JMJD6: variants seen among roughly 807,000 people sequenced by gnomAD.
The protein encoded by JMJD6 is bifunctional arginine demethylase and lysyl-hydroxylase JMJD6.
Under a neutral mutation model 45.8 loss-of-function variants are expected in JMJD6, and 17 were observed. The ratio of observed to expected loss-of-function variants is 0.37; its 90% CI spans 0.25 to 0.56. The LOEUF (loss-of-function observed/expected upper bound fraction) is 0.56. Among genes scored for constraint, JMJD6 ranks in the 20% least tolerant of loss-of-function variants. JMJD6 has a pLI of 0.79. For missense variants in JMJD6, 470 were observed against 517.5 expected (o/e 0.91, Z 0.89); for synonymous variants, 221 against 196.3 (o/e 1.13, Z -1.05).
At position 76,718,696 on chromosome 17, in the gene JMJD6, G is replaced by T; in HGVS notation, c.*33C>A. 6.2e-7 allele frequency: 1 copy of T among 1,609,360 alleles called. No homozygotes were observed. Among genetic ancestry groups the T allele is most frequent in the Non-Finnish European group, 8.5e-7 (1 of 1,177,438 alleles). ...CCCAGGCCCTGCCCTTGCCGCGAGC[G>T]TGTCCTTCCATACAGACAACAGCCT... On this transcript the variant is annotated 3_prime_UTR_variant, in exon 6 of 6. Coordinates refer to ENST00000397625, the MANE Select transcript of JMJD6 (RefSeq NM_015167.3).
intron 5 of JMJD6, among the ~76,000 whole-genome samples, chr17:76,720,018 G>A (rs986421221): frequency 2.6e-5 from 4 of 152,170 alleles, no homozygotes; most frequent in African/African-American, 4.8e-5. Flanking sequence ...GGTGGCATGC[G>A]CCTGTAATCC....
At chr17:76,725,981 G>T in intron 1 of JMJD6, 126 bp from the exon 2 acceptor site, 1 of 1,245,082 alleles carries the variant, frequency 8.0e-7, no homozygotes, top group Non-Finnish European at 1.1e-6. Context: ...TGGCTCCTCC[G>T]GGGTGGGGGC....
At chr17:76,723,243 G>A (rs1192434876) in intron 3 of JMJD6, among the ~76,000 whole-genome samples, 1 of 152,010 alleles carries the variant, frequency 6.6e-6, no homozygotes, top group Non-Finnish European at 1.5e-5. Flanking sequence ...ACCGCACCGG[G>A]CCTGCATACA....
At chr17:76,720,308 A>G in intron 5 of JMJD6, 52 bp downstream of exon 5, 1 of 1,560,742 alleles carries the variant, frequency 6.4e-7, no homozygotes, top group Non-Finnish European at 8.8e-7. Flanking sequence ...GTTATGACTG[A>G]GTTACATGAG....
downstream of JMJD6, chr17:76,716,503 T>C (rs879521283): frequency 1.0e-5 from 6 of 588,326 alleles, no homozygotes; most frequent in South Asian, 8.8e-5. Flanking sequence ...AATTTCTTGA[T>C]AATCTATCCT....
At position 76,724,913 on chromosome 17, in the gene JMJD6, T is replaced by C. The variant is rs193112652; in HGVS notation, c.518+554A>G. ...CCCTTAGAGATCAGTGCTTCAACCA[T>C]AGCTGCACATTCAAGTCACCTGAAG... is the stretch of plus-strand genomic sequence containing the variant. On this transcript the variant is annotated intron_variant, in intron 2 of 5. Transcript: ENST00000397625. 1.3e-3 allele frequency among the ~76,000 whole-genome samples: 205 copies of C among 152,270 alleles called. 4 individuals carry two copies. The highest frequency in any genetic ancestry group is 0.013 in the Admixed American group (200 of 15,298).
intron 4 of JMJD6, chr17:76,721,265 C>T (rs139695378): frequency 7.1e-6 from 3 of 419,786 alleles, no homozygotes; most frequent in Admixed American, 5.0e-5. Flanking sequence ...TCTCTTACCC[C>T]GAGAGCTGGT....
At chr17:76,716,484 G>A (rs879218287), downstream of JMJD6, 4 of 559,822 alleles carry the variant, frequency 7.1e-6, no homozygotes, top group East Asian at 2.9e-5. Context: ...TGAGCTGGCC[G>A]AGCTGTTAAA....
chr17:76,725,959 T>C (rs1278488306), intron 1 of JMJD6, 104 bp from the exon 2 acceptor site: 54 of 1,371,316 alleles, frequency 3.9e-5, no homozygotes, highest in South Asian at 3.0e-4. Flanking sequence ...CCGAAGGAAG[T>C]TGACTCTCGT....
At chr17:76,718,951 A>T in intron 5 of JMJD6, 91 bp from the exon 6 acceptor site, 1 of 1,288,762 alleles carries the variant, frequency 7.8e-7, no homozygotes, top group Non-Finnish European at 1.1e-6. Context: ...GACAGCACAG[A>T]TATTGGTCAC....
chr17:76,726,407 C>T lies in JMJD6; in HGVS notation c.69G>A (p.Ser23=), dbSNP rs1263192592. 6.2e-7 allele frequency: 1 copy of T among 1,605,672 alleles called. No homozygotes were observed. Among genetic ancestry groups the T allele is most frequent in the Non-Finnish European group, 8.5e-7 (1 of 1,176,886 alleles). ...KRSARPELKD[S]LDWTRHNYYE... ...AGTAGTTGTGCCGGGTCCAATCCAG[C>T]GAGTCCTTGAGCTCCGGCCGCGCAC... The change falls in exon 1 of 6, where the codon TCG becomes TCA. Residue 23 remains serine (S), a synonymous_variant. Transcript: ENST00000397625.
chr17:76,721,991 T>A lies in JMJD6; in HGVS notation c.806-58A>T, dbSNP rs1254210109. The A allele has an allele frequency of 1.9e-6, 3 of 1,579,008 alleles. No homozygotes were observed. The African/African-American group carries it at 4.1e-5, about 21-fold the overall frequency. ...TTTGATCCTATACCTAATTACTGTATAACACACACACCAGAAATTGGGAAC... is the reference window on the plus strand; with the variant it reads ...TTTGATCCTATACCTAATTACTGTAAAACACACACACCAGAAATTGGGAAC... On this transcript the variant is annotated intron_variant, in intron 3 of 5. Transcript: ENST00000397625.
At chr17:76,724,084 T>C (rs1247858425) in intron 2 of JMJD6, 26 bp from the exon 3 acceptor site, 2 of 1,609,128 alleles carry the variant, frequency 1.2e-6, no homozygotes, top group Admixed American at 1.7e-5. Flanking sequence ...ATCCAAGATG[T>C]GAAGTGTAAT....
downstream of JMJD6, chr17:76,716,785 G>A: frequency 1.3e-6 from 2 of 1,584,806 alleles, no homozygotes; most frequent in Non-Finnish European, 1.7e-6. Context: ...TACAAAGCTG[G>A]AAGGCAATGT....
downstream of JMJD6, chr17:76,713,918 C>T (rs73996688): frequency 3.7e-4 from 57 of 152,330 alleles, no homozygotes; most frequent in African/African-American, 1.2e-3. Flanking sequence ...TGTGAACAGC[C>T]GCAACAGCCG....
At chr17:76,716,483 C>T (rs370458042), downstream of JMJD6, 4 of 563,398 alleles carry the variant, frequency 7.1e-6, no homozygotes, top group East Asian at 2.9e-5. Context: ...CTGAGCTGGC[C>T]GAGCTGTTAA....
At chr17:76,718,026 G>C (rs2076779353), downstream of JMJD6, among the ~76,000 whole-genome samples, 1 of 151,438 alleles carries the variant, frequency 6.6e-6, no homozygotes. Context: ...AGCTGGGCAT[G>C]GTGGGGTGAA....
In JMJD6 at chr17:76,718,775, G is replaced by T; in HGVS notation, c.1166C>A (p.Thr389Asn). 6.2e-7 allele frequency: 1 copy of T among 1,614,246 alleles called. No individual in the cohort carries two copies. Reference protein sequence around the residue: ...TCSMVGNGDTTSQDDCVSKER... With the variant: ...TCSMVGNGDTNSQDDCVSKER... ...TTTGCTGACACAGTCGTCCTGGGAG[G>T]TGGTGTCCCCGTTTCCCACCATGCT... Residue 389 changes from threonine (T) to asparagine (N), a missense_variant, in exon 6 of 6, where the codon ACC becomes AAC. By Grantham distance (65) the Thr-to-Asn change is moderately conservative. Around this residue, in one of 4 missense-constraint regions of JMJD6, gnomAD observed 21 missense variants for 36.9 expected, o/e 0.57. Coordinates refer to ENST00000397625, the MANE Select transcript of JMJD6 (RefSeq NM_015167.3).
At position 76,721,904 on chromosome 17, in the gene JMJD6, C is replaced by T. The variant is rs765659751; in HGVS notation, c.835G>A (p.Asp279Asn). Residue 279 changes from aspartate to asparagine, a missense_variant, in exon 4 of 6, where the codon GAC becomes AAC. Asp to Asn is a conservative substitution (Grantham distance 23). Around this residue, in one of 4 missense-constraint regions of JMJD6, gnomAD observed 58 missense variants for 103.9 expected, o/e 0.56. Coordinates refer to ENST00000397625, the MANE Select transcript of JMJD6 (RefSeq NM_015167.3). ...GGWWHVVLNL[D>N]TTIAITQNFA... ...TTTTGGGTGATGGCGATAGTAGTGT[C>T]GAGATTGAGGACAACATGCCACCAG... is the stretch of plus-strand genomic sequence containing the variant. 1.7e-5 allele frequency: 28 copies of T among 1,613,972 alleles called. No homozygotes were observed. Among genetic ancestry groups the T allele is most frequent in the Admixed American group, 6.7e-5 (4 of 59,976 alleles).
Sources: gnomAD v4.1 joint callset for allele counts (sites outside exome capture counted in the v4.1 genomes callset) on GRCh38, gnomAD v4.1.1 for gene constraint, gnomAD v4.1.1 regional missense constraint, MANE v1.5 for transcripts, NCBI Gene and HGNC (gene_info 2026-07-23, HGNC 2026-07-21) for gene names.